SCAMP1: variants seen among roughly 807,000 people sequenced by gnomAD.
SCAMP1 encodes the protein secretory carrier membrane protein 1, also known as secretory carrier-associated membrane protein 1.
SCAMP1 carries 15 observed loss-of-function variants against 41.8 expected under a neutral mutation model. The observed-to-expected ratio is 0.36, with a 90% CI of 0.24 to 0.55. SCAMP1 has a LOEUF of 0.55. Among genes scored for constraint, SCAMP1 ranks in the 20% least tolerant of loss-of-function variants. The pLI, the probability that SCAMP1 is intolerant of heterozygous loss-of-function variation, is 0.86. For missense variants in SCAMP1, 341 were observed against 412.6 expected (o/e 0.83, Z 1.50); for synonymous variants, 135 against 136.8 (o/e 0.99, Z 0.09).
chr5:78,423,878 CTT>C (rs1448617130), intron 6 of SCAMP1, among the ~76,000 whole-genome samples: 1 of 145,702 alleles, frequency 6.9e-6, no homozygotes, highest in Non-Finnish European at 1.5e-5. Flanking sequence ...GAGTTTTGCT[CTT>C]GTTGCCCAGG....
intron 1 of SCAMP1, among the ~76,000 whole-genome samples, chr5:78,373,085 C>T (rs2112052876): frequency 6.6e-6 from 1 of 152,104 alleles, no homozygotes; most frequent in African/African-American, 2.4e-5. Flanking sequence ...GTTCCAGAGC[C>T]CACCTTCTTA....
intron 1 of SCAMP1, among the ~76,000 whole-genome samples, chr5:78,362,084 A>C (rs1161774183): frequency 6.7e-6 from 1 of 150,372 alleles, no homozygotes; most frequent in East Asian, 1.9e-4. Flanking sequence ...GCATTTTAAG[A>C]CTTTTTTTTT....
chr5:78,443,024 G>A (rs1046094729), intron 6 of SCAMP1, among the ~76,000 whole-genome samples: 2 of 151,992 alleles, frequency 1.3e-5, no homozygotes, highest in Non-Finnish European at 2.9e-5. Context: ...GGCTAACACG[G>A]TGAATCCCTG....
At chr5:78,464,961 A>G (rs1357031940) in intron 8 of SCAMP1, among the ~76,000 whole-genome samples, 1 of 152,216 alleles carries the variant, frequency 6.6e-6, no homozygotes, top group Non-Finnish European at 1.5e-5. Flanking sequence ...TACATCATGT[A>G]CATTCCTTTG....
intron 1 of SCAMP1, chr5:78,361,004 C>A (rs2112026153): frequency 2.4e-6 from 1 of 416,146 alleles, no homozygotes. Context: ...GGACTGGGCC[C>A]GCGCGCCCGG....
chr5:78,406,235 A>G (rs1038485882), intron 2 of SCAMP1, among the ~76,000 whole-genome samples: 1 of 152,174 alleles, frequency 6.6e-6, no homozygotes, highest in Non-Finnish European at 1.5e-5. Context: ...TCTAATCCCT[A>G]AGGTTCTGAA....
rs939830790 is a variant in SCAMP1 at position 78,476,979 on chromosome 5, C to A, written c.*1311C>A. On this transcript the variant is annotated 3_prime_UTR_variant, in exon 9 of 9. Transcript: ENST00000621999. ...GATTAAATAAATGACTCAAAGACAT[C>A]TGTAAGTCATGCTGCTGTGTTTTGA... 1 of 152,096 alleles carries A rather than the reference C, an allele frequency of 6.6e-6. No homozygotes were observed. Among genetic ancestry groups the A allele is most frequent in the Non-Finnish European group, 1.5e-5 (1 of 67,978 alleles). The allele number at this position is 152,096 out of a possible 1,614,324, so 9.4% of individuals were successfully genotyped here.
intron 1 of SCAMP1, among the ~76,000 whole-genome samples, chr5:78,361,631 A>G (rs959996266): frequency 7.9e-5 from 12 of 152,248 alleles, no homozygotes; most frequent in African/African-American, 2.4e-4. Flanking sequence ...CAACATCTAA[A>G]TAACTCTCTC....
At chr5:78,370,258 T>A (rs920237165) in intron 1 of SCAMP1, among the ~76,000 whole-genome samples, 3 of 152,208 alleles carry the variant, frequency 2.0e-5, no homozygotes, top group Admixed American at 6.5e-5. Context: ...TGTAGTGGAG[T>A]AATATACTTG....
chr5:78,397,842 T>A (rs1751690132), intron 2 of SCAMP1, among the ~76,000 whole-genome samples: 1 of 152,108 alleles, frequency 6.6e-6, no homozygotes, highest in Non-Finnish European at 1.5e-5. Flanking sequence ...AATAAGCAGG[T>A]GAAAAAATGT....
intron 1 of SCAMP1, among the ~76,000 whole-genome samples, chr5:78,384,171 G>GGT (rs1751281350): frequency 1.5e-5 from 1 of 68,852 alleles, no homozygotes; most frequent in East Asian, 2.8e-4. Context: ...ATATTCCCAA[G>GGT]TTTTTTTTCT....
At chr5:78,385,517 T>G (rs1367359734) in intron 1 of SCAMP1, among the ~76,000 whole-genome samples, 1 of 152,172 alleles carries the variant, frequency 6.6e-6, no homozygotes, top group Non-Finnish European at 1.5e-5. Flanking sequence ...GTTTCTCTAG[T>G]TCCTTGAGGT....
At chr5:78,371,549 C>G (rs1750943755) in intron 1 of SCAMP1, among the ~76,000 whole-genome samples, 2 of 152,130 alleles carry the variant, frequency 1.3e-5, no homozygotes, top group South Asian at 4.1e-4. Context: ...CTTGCAAATA[C>G]CTGGTAGTCA....
intron 2 of SCAMP1, among the ~76,000 whole-genome samples, chr5:78,389,915 A>G (rs957517682): frequency 1.8e-4 from 27 of 152,174 alleles, no homozygotes; most frequent in Non-Finnish European, 3.4e-4. Flanking sequence ...GTCCTTTAGT[A>G]AGCTGCTAAT....
intron 2 of SCAMP1, among the ~76,000 whole-genome samples, chr5:78,404,322 A>AT (rs998239543): frequency 2.6e-5 from 4 of 151,648 alleles, no homozygotes; most frequent in African/African-American, 9.7e-5. Context: ...TAATTTTTTT[A>AT]TTTTTTTAGA....
At chr5:78,428,174 G>T (rs1752514137) in intron 6 of SCAMP1, among the ~76,000 whole-genome samples, 1 of 152,076 alleles carries the variant, frequency 6.6e-6, no homozygotes, top group Non-Finnish European at 1.5e-5. Context: ...TATCTCTTGT[G>T]TTTAGGTGTA....
chr5:78,460,012 A>G (rs1467400009), intron 8 of SCAMP1, among the ~76,000 whole-genome samples: 2 of 151,862 alleles, frequency 1.3e-5, no homozygotes, highest in Non-Finnish European at 2.9e-5. Flanking sequence ...GCAGTATTTG[A>G]TTTTCTGTTA....
intron 6 of SCAMP1, among the ~76,000 whole-genome samples, chr5:78,434,957 A>G (rs977985040): frequency 1.6e-4 from 24 of 152,220 alleles, no homozygotes; most frequent in African/African-American, 9.6e-5. Context: ...TATTTTGTAC[A>G]CATCTGATTT....
intron 6 of SCAMP1, among the ~76,000 whole-genome samples, chr5:78,436,245 A>G (rs1005915537): frequency 6.6e-6 from 1 of 152,070 alleles, no homozygotes; most frequent in African/African-American, 2.4e-5. Flanking sequence ...CCATTTGTCT[A>G]TTTTGGCTTT....
Sources: gnomAD v4.1 joint callset for allele counts (sites outside exome capture counted in the v4.1 genomes callset) on GRCh38, gnomAD v4.1.1 for gene constraint, MANE v1.5 for transcripts, NCBI Gene and HGNC (gene_info 2026-07-23, HGNC 2026-07-21) for gene names.